Variants in RELB observed in about 807,000 individuals in gnomAD.
RELB encodes the protein transcription factor RelB.
In RELB, 14 loss-of-function variants were observed where a neutral mutation model predicts 55.4. The ratio of observed to expected loss-of-function variants is 0.25; its 90% CI spans 0.17 to 0.40. The LOEUF is 0.40. RELB is among the 10% of genes least tolerant of loss of function. The probability of loss-of-function intolerance (pLI) is 1.00; values close to 1 mark genes in which losing one functional copy is unlikely to be tolerated. For synonymous variants in RELB, 409 were observed against 371.3 expected (o/e 1.10, Z -1.17); for missense variants, 669 against 830.7 (o/e 0.81, Z 2.39).
intron 2 of RELB, among the ~76,000 whole-genome samples, chr19:45,004,244 C>T (rs34414311): frequency 0.017 from 2,097 of 125,328 alleles, 58 homozygotes; most frequent in African/African-American, 0.06. Flanking sequence ...TTTTTTGAGA[C>T]GGAGTTTCAT....
At chr19:45,031,847 A>AT (rs1297548602) in intron 8 of RELB, among the ~76,000 whole-genome samples, 2 of 150,994 alleles carry the variant, frequency 1.3e-5, no homozygotes, top group African/African-American at 4.9e-5. Flanking sequence ...AAGTGCTGGG[A>AT]TTATGGGCGT....
intron 2 of RELB, among the ~76,000 whole-genome samples, chr19:45,009,039 G>A (rs1386010952): frequency 6.6e-6 from 1 of 152,184 alleles, no homozygotes; most frequent in African/African-American, 2.4e-5. Flanking sequence ...TACAGAGCAA[G>A]AGGCTGCCTG....
intron 5 of RELB, among the ~76,000 whole-genome samples, chr19:45,022,547 CTT>C (rs35661437): frequency 0.072 from 9,079 of 125,730 alleles, 624 homozygotes; most frequent in African/African-American, 0.19. Flanking sequence ...TACAATTCAT[CTT>C]TTTTTTTTTT....
At chr19:45,008,448 G>C in intron 2 of RELB, 1 of 456,192 alleles carries the variant, frequency 2.2e-6, no homozygotes, top group Non-Finnish European at 4.4e-6. Context: ...CTCTGTCTTT[G>C]GGTCCCCAGG....
At chr19:45,013,846 G>T (rs1971390747) in intron 4 of RELB, among the ~76,000 whole-genome samples, 1 of 151,554 alleles carries the variant, frequency 6.6e-6, no homozygotes, top group African/African-American at 2.4e-5. Flanking sequence ...AAAAGAAAAA[G>T]AAAAAGAAAA....
intron 8 of RELB, among the ~76,000 whole-genome samples, chr19:45,030,581 G>A (rs1355378764): frequency 3.3e-5 from 5 of 152,116 alleles, no homozygotes; most frequent in East Asian, 3.9e-4. Context: ...GCAGTGAGCC[G>A]AGATCATGCC....
At chr19:45,025,927 T>G (rs1428500877) in intron 7 of RELB, among the ~76,000 whole-genome samples, 190 bp downstream of exon 7, 1 of 151,552 alleles carries the variant, frequency 6.6e-6, no homozygotes, top group Non-Finnish European at 1.5e-5. Flanking sequence ...GGCAAAACCC[T>G]GTCTCTATAA....
chr19:45,002,164 G>A (rs1406217247), intron 1 of RELB, among the ~76,000 whole-genome samples: 1 of 150,320 alleles, frequency 6.7e-6, no homozygotes, highest in Non-Finnish European at 1.5e-5. Context: ...GCCGAAAGAA[G>A]GGGAAGGGGC....
At position 45,012,207 on chromosome 19, in the gene RELB, G is replaced by C; in HGVS notation, c.435G>C (p.Glu145Asp). Reference protein sequence around the residue: ...QRGMRFRYECEGRSAGSILGE... With the variant: ...QRGMRFRYECDGRSAGSILGE... Reference sequence around the variant, plus strand: ...GCATGCGCTTCCGCTACGAGTGCGAGGGCCGCTCGGCCGGCAGCATCCTTG... The same window carrying C: ...GCATGCGCTTCCGCTACGAGTGCGACGGCCGCTCGGCCGGCAGCATCCTTG... The change falls in exon 4 of 12, where the codon GAG becomes GAC. Residue 145 changes from glutamate (E) to aspartate (D), a missense_variant. Transcript: ENST00000221452. 6.6e-7 allele frequency: 1 copy of C among 1,509,104 alleles called. No homozygotes were observed. Among genetic ancestry groups the C allele is most frequent in the Middle Eastern group, 2.1e-4 (1 of 4,696 alleles). 93.5% of individuals were successfully genotyped at this position (1,509,104 alleles called of 1,614,324 possible). A position where few individuals can be genotyped will look rare whatever the true frequency, so the allele number is the denominator to read the frequency against.
chr19:45,028,828 T>A, intron 7 of RELB, 60 bp from the exon 8 acceptor site: 1 of 1,439,122 alleles, frequency 6.9e-7, no homozygotes. Context: ...CCAGTAAGGC[T>A]TTGGTGACTG....
intron 9 of RELB, 80 bp downstream of exon 9, chr19:45,032,829 A>G (rs554447583): frequency 1.0e-5 from 12 of 1,170,084 alleles, no homozygotes; most frequent in Non-Finnish European, 1.2e-5. Context: ...GGGGATGGGA[A>G]AGAGGCAGAA....
chr19:45,001,722 C>T, intron 1 of RELB, 37 bp downstream of exon 1: 3 of 1,329,308 alleles, frequency 2.3e-6, no homozygotes, highest in Admixed American at 2.4e-5. Flanking sequence ...GGGTCTGGGG[C>T]GGGGCTGGAG....
At chr19:45,036,293 G>A (rs1971685474) in intron 11 of RELB, among the ~76,000 whole-genome samples, 1 of 152,158 alleles carries the variant, frequency 6.6e-6, no homozygotes, top group Non-Finnish European at 1.5e-5. Flanking sequence ...GGCTGGTCTT[G>A]AACTTCTGAC....
intron 4 of RELB, among the ~76,000 whole-genome samples, chr19:45,014,445 A>T (rs1971398305): frequency 6.6e-6 from 1 of 151,698 alleles, no homozygotes; most frequent in Non-Finnish European, 1.5e-5. Context: ...TGTTGGAATT[A>T]CATGTGTGAG....
In RELB at chr19:45,025,415, A is replaced by G; in HGVS notation, c.749A>G (p.Tyr250Cys). 1.2e-6 allele frequency: 2 copies of G among 1,611,170 alleles called. No homozygotes were observed. Among genetic ancestry groups the G allele is most frequent in the Non-Finnish European group, 8.5e-7 (1 of 1,178,630 alleles). ...ERKIQLGIDP[Y>C]NAGSLKNHQE... The stretch of plus-strand genomic sequence containing the variant: ...AAGATTCAACTGGGCATTGACCCCT[A>G]CAACGGTGAGCACCCCCTGCCTGAC... Residue 250 changes from tyrosine to cysteine, a missense_variant, in exon 6 of 12, where the codon TAC becomes TGC. Physicochemically the swap from Tyr to Cys is radical, Grantham distance 194. Around this residue, in one of 3 missense-constraint regions of RELB, gnomAD observed 323 missense variants for 368.5 expected, o/e 0.88. Coordinates refer to ENST00000221452, the MANE Select transcript of RELB (RefSeq NM_006509.4).
intron 8 of RELB, 145 bp from the exon 9 acceptor site, chr19:45,032,389 A>C: frequency 1.6e-6 from 1 of 641,398 alleles, no homozygotes; most frequent in Non-Finnish European, 2.8e-6. Flanking sequence ...ATTGCACTCC[A>C]GCCTGGGCAA....
Position 45,037,887 on chromosome 19 carries a change from T to A in RELB, c.*97T>A. On this transcript the variant is annotated 3_prime_UTR_variant, in exon 12 of 12. Transcript: ENST00000221452. Reference sequence around the variant, plus strand: ...TCTAGCACCCCCATCCCCTTGGCCCTTCCTCATGCTTCTGAAGTGGACATA... The same window carrying A: ...TCTAGCACCCCCATCCCCTTGGCCCATCCTCATGCTTCTGAAGTGGACATA... 8.2e-7 allele frequency: 1 copy of A among 1,220,024 alleles called. No homozygotes were observed. Among genetic ancestry groups the A allele is most frequent in the South Asian group, 1.7e-5 (1 of 57,468 alleles). 75.6% of individuals were successfully genotyped at this position (1,220,024 alleles called of 1,614,324 possible). A position where few individuals can be genotyped will look rare whatever the true frequency, so the allele number is the denominator to read the frequency against.
chr19:45,002,480 G>A (rs1430934714), intron 1 of RELB, among the ~76,000 whole-genome samples: 3 of 152,162 alleles, frequency 2.0e-5, no homozygotes, highest in African/African-American at 7.2e-5. Flanking sequence ...AGCCCCCCGA[G>A]TAGCTGGAAT....
At chr19:45,014,678 C>T (rs933350059) in intron 4 of RELB, among the ~76,000 whole-genome samples, 9 of 148,496 alleles carry the variant, frequency 6.1e-5, no homozygotes, top group South Asian at 2.1e-4. Flanking sequence ...CCATGATGTC[C>T]GGCTAATATT....
Sources: allele counts gnomAD v4.1 joint callset (sites outside exome capture counted in the v4.1 genomes callset), GRCh38; gene constraint gnomAD v4.1.1; regional missense constraint gnomAD v4.1.1; transcripts MANE v1.5; gene names NCBI Gene and HGNC (gene_info 2026-07-23, HGNC 2026-07-21).